The following GNAT3 variants were observed in gnomAD, a reference collection of about 807,000 sequenced individuals.
GNAT3 encodes G protein subunit alpha transducin 3, also known as guanine nucleotide-binding protein G(t) subunit alpha-3.
Under a neutral mutation model 37.7 loss-of-function variants are expected in GNAT3, and 31 were observed. That is an observed-to-expected ratio of 0.82 (90% CI 0.62 to 1.11). The LOEUF (loss-of-function observed/expected upper bound fraction) is 1.11. GNAT3 is among the 50% of genes most tolerant of loss of function. The probability of loss-of-function intolerance (pLI) is 0.00; values close to 1 mark genes in which losing one functional copy is unlikely to be tolerated. For missense variants in GNAT3, 437 were observed against 412.5 expected, an observed-to-expected ratio of 1.06 and a Z score of -0.51; for synonymous variants, 138 against 139.8, an observed-to-expected ratio of 0.99 and a Z score of 0.09.
At chr7:80,500,096 G>A (rs1282654874) in intron 1 of GNAT3, among the ~76,000 whole-genome samples, 1 of 152,052 alleles carries the variant, frequency 6.6e-6, no homozygotes, top group African/African-American at 2.4e-5. Context: ...CCGAAATGCA[G>A]TACTGAAAAT....
chr7:80,460,283 A>T (rs568948148), intron 7 of GNAT3, among the ~76,000 whole-genome samples: 1 of 152,182 alleles, frequency 6.6e-6, no homozygotes, highest in Non-Finnish European at 1.5e-5. Context: ...AAGGATAGAA[A>T]CAATAAAAAG....
At chr7:80,486,320 A>G (rs1209007201) in intron 3 of GNAT3, 1 of 152,164 alleles carries the variant, frequency 6.6e-6, no homozygotes, top group Non-Finnish European at 1.5e-5. Context: ...ATGCCATTCA[A>G]TGTACAGTTT....
rs2116138317 is a variant in GNAT3, at chr7:80,462,523, G to A, written c.699C>T (p.Val233=). 1.2e-6 allele frequency: 2 copies of A among 1,613,452 alleles called. No homozygotes were observed. The highest frequency in any genetic ancestry group is 1.7e-6 in the Non-Finnish European group (2 of 1,179,700). ...FCAALSAYDM[V]LVEDEEVNRM... The stretch of plus-strand genomic sequence containing the variant: ...TTACCACTTCTTCGTCTTCCACGAG[G>A]ACCATGTCATAGGCACTAAGTGCAG... Residue 233 remains valine (V), a synonymous_variant, in exon 6 of 8, where the codon GTC becomes GTT. Coordinates refer to ENST00000398291, the MANE Select transcript of GNAT3 (RefSeq NM_001102386.3).
At chr7:80,493,736 T>TCCTCTTTCCTCCTCCA (rs1247338145) in intron 2 of GNAT3, among the ~76,000 whole-genome samples, 3 of 78,350 alleles carry the variant, frequency 3.8e-5, no homozygotes, top group African/African-American at 1.3e-4. Flanking sequence ...CTCCTCCTCC[T>TCCTCTTTCCTCCTCCA]CCTCTTTCCT....
chr7:80,461,307 G>A (rs866287729), intron 7 of GNAT3, among the ~76,000 whole-genome samples: 11 of 152,020 alleles, frequency 7.2e-5, no homozygotes, highest in Middle Eastern at 6.8e-3. Flanking sequence ...CAGCACTTTG[G>A]GACGCCAAGG....
At chr7:80,495,775 G>A (rs1370957266) in intron 1 of GNAT3, among the ~76,000 whole-genome samples, 2 of 151,944 alleles carry the variant, frequency 1.3e-5, no homozygotes, top group Admixed American at 6.6e-5. Context: ...CTTCACTGTA[G>A]TTTTAATTTA....
intron 1 of GNAT3, among the ~76,000 whole-genome samples, chr7:80,506,392 A>G (rs1474836484): frequency 2.0e-5 from 3 of 152,206 alleles, no homozygotes; most frequent in African/African-American, 7.2e-5. Context: ...ATTGAGATAA[A>G]TGCATCTAAA....
intron 1 of GNAT3, among the ~76,000 whole-genome samples, chr7:80,500,825 T>A: frequency 7.0e-6 from 1 of 143,516 alleles, no homozygotes; most frequent in Non-Finnish European, 1.5e-5. Flanking sequence ...TAGTAAATAA[T>A]GTTAATGATT....
At chr7:80,500,428 T>TA (rs1790812362) in intron 1 of GNAT3, among the ~76,000 whole-genome samples, 1 of 152,158 alleles carries the variant, frequency 6.6e-6, no homozygotes, top group African/African-American at 2.4e-5. Context: ...GAAGTCTGAC[T>TA]TGGTTTTGTC....
chr7:80,461,385 C>A lies in GNAT3; in HGVS notation c.874+774G>T, dbSNP rs547179109. The stretch of plus-strand genomic sequence containing the variant: ...CAAACATGGTGAAACCCCATTACTA[C>A]TGAAAATACGAAAATTAACTGGGTG... On this transcript the variant is annotated intron_variant, in intron 7 of 7. Coordinates refer to ENST00000398291, the MANE Select transcript of GNAT3 (RefSeq NM_001102386.3). Among the ~76,000 whole-genome samples the A allele has an allele frequency of 3.3e-5, 5 of 152,138 alleles. No individual in the cohort carries two copies. The South Asian group carries it at 1.0e-3, about 32-fold the overall frequency.
intron 1 of GNAT3, among the ~76,000 whole-genome samples, chr7:80,502,109 T>C (rs1422738109): frequency 6.6e-6 from 1 of 151,826 alleles, no homozygotes; most frequent in African/African-American, 2.4e-5. Context: ...GTAGATCTTA[T>C]GTTAAGTGTT....
chr7:80,471,146 G>A (rs368424211), intron 5 of GNAT3, among the ~76,000 whole-genome samples: 1 of 150,080 alleles, frequency 6.7e-6, no homozygotes, highest in Non-Finnish European at 1.5e-5. Flanking sequence ...GAGGGGAACT[G>A]AGGCGGAAGA....
rs1350632296 is a variant in GNAT3 at position 80,509,967 on chromosome 7, T to A, written c.118+1842A>T. On this transcript the variant is annotated intron_variant, in intron 1 of 7. Transcript: ENST00000398291. ...AAATGTATTACTTCACAGTTATCAT[T>A]TTTGTGGTAAGTGCACATAACACCT... 2.6e-5 allele frequency among the ~76,000 whole-genome samples: 4 copies of A among 152,166 alleles called. No individual in the cohort carries two copies. The East Asian group carries it at 7.7e-4, about 29-fold the overall frequency.
intron 7 of GNAT3, among the ~76,000 whole-genome samples, chr7:80,461,164 GTA>G (rs1181832088): frequency 6.6e-6 from 1 of 151,984 alleles, no homozygotes; most frequent in African/African-American, 2.4e-5. Flanking sequence ...ACCAATGTAA[GTA>G]TTTGTTTTGA....
intron 1 of GNAT3, among the ~76,000 whole-genome samples, chr7:80,510,501 C>T (rs540328444): frequency 6.6e-6 from 1 of 152,222 alleles, no homozygotes; most frequent in African/African-American, 2.4e-5. Context: ...TTGTCTTTCC[C>T]TTTTACCTTT....
At chr7:80,465,875 G>A (rs1295962380) in intron 5 of GNAT3, among the ~76,000 whole-genome samples, 1 of 152,002 alleles carries the variant, frequency 6.6e-6, no homozygotes, top group Non-Finnish European at 1.5e-5. Flanking sequence ...AATATATTGT[G>A]GATCACTTTT....
At chr7:80,503,499 A>G (rs1387214304) in intron 1 of GNAT3, among the ~76,000 whole-genome samples, 3 of 152,308 alleles carry the variant, frequency 2.0e-5, no homozygotes, top group East Asian at 3.9e-4. Context: ...ATTTCATAAG[A>G]TTTTCTCATA....
intron 4 of GNAT3, 93 bp downstream of exon 4, chr7:80,478,748 C>T (rs1790343714): frequency 2.0e-5 from 24 of 1,206,828 alleles, no homozygotes; most frequent in South Asian, 7.5e-5. Context: ...ATTTATTTTC[C>T]TCATTTGAAT....
chr7:80,499,737 A>G (rs1023346176), intron 1 of GNAT3, among the ~76,000 whole-genome samples: 2 of 152,166 alleles, frequency 1.3e-5, no homozygotes, highest in Admixed American at 6.5e-5. Flanking sequence ...ACAGCCCATC[A>G]CATAGCTGGA....
Sources: allele counts gnomAD v4.1 joint callset (sites outside exome capture counted in the v4.1 genomes callset), GRCh38; gene constraint gnomAD v4.1.1; transcripts MANE v1.5; gene names NCBI Gene and HGNC (gene_info 2026-07-23, HGNC 2026-07-21).